AGFG1: variants seen among roughly 807,000 people sequenced by gnomAD.
AGFG1 encodes the protein ArfGAP with FG repeats 1, also known as arf-GAP domain and FG repeat-containing protein 1.
In AGFG1, 10 loss-of-function variants were observed where a neutral mutation model predicts 60.6. The ratio of observed to expected loss-of-function variants is 0.16; its 90% CI spans 0.10 to 0.28. The LOEUF (loss-of-function observed/expected upper bound fraction) is 0.28, where lower values mean the gene tolerates loss of function less well. Among genes scored for constraint, AGFG1 ranks in the 10% least tolerant of loss-of-function variants. The pLI is 1.00. For synonymous variants in AGFG1, 247 were observed against 242.9 expected, an observed-to-expected ratio of 1.02 and a Z score of -0.16; for missense variants, 537 against 676.5, an observed-to-expected ratio of 0.79 and a Z score of 2.29.
intron 5 of AGFG1, among the ~76,000 whole-genome samples, chr2:227,529,811 G>T (rs903520593): frequency 5.3e-5 from 8 of 151,712 alleles, no homozygotes; most frequent in African/African-American, 1.9e-4. Flanking sequence ...GAACTATGGT[G>T]CCCTTTTTAA....
intron 2 of AGFG1, among the ~76,000 whole-genome samples, chr2:227,497,739 T>G (rs375704721): frequency 0.46 from 42,215 of 92,362 alleles, 10,717 homozygotes; most frequent in South Asian, 0.6. Context: ...TGTTTTGTTT[T>G]TTTTTTTTTT....
rs561980878 is a variant in AGFG1 at position 227,542,748 on chromosome 2, G to A, written c.1378+5755G>A. 1.1e-4 allele frequency among the ~76,000 whole-genome samples: 17 copies of A among 152,292 alleles called. No homozygotes were observed. The South Asian group carries it at 3.5e-3, about 32-fold the overall frequency. ...GAAGGAATGGAACCAGCTCCTCTTT[G>A]TACCTCTGGTAGAATTTGGCTGTCA... On this transcript the variant is annotated intron_variant, in intron 10 of 12. Transcript: ENST00000310078.
intron 1 of AGFG1, among the ~76,000 whole-genome samples, chr2:227,473,982 G>C (rs1690204921): frequency 6.6e-6 from 1 of 152,076 alleles, no homozygotes; most frequent in South Asian, 2.1e-4. Flanking sequence ...AAATGTCTTG[G>C]GCAAGTACTA....
intron 1 of AGFG1, among the ~76,000 whole-genome samples, chr2:227,475,551 T>G (rs1690256582): frequency 6.6e-6 from 1 of 152,230 alleles, no homozygotes; most frequent in African/African-American, 2.4e-5. Flanking sequence ...TTAGGAAGAA[T>G]AATATAACTC....
chr2:227,491,647 G>GTT lies in AGFG1; in HGVS notation c.261+7_261+8insTT. The stretch of plus-strand genomic sequence containing the variant: ...ACAAAAACATGGAAATGAAGTAAGT[G>GTT]GTTTTTTTTTTTTTTTGCAATTTTT... On this transcript the variant is annotated splice_region_variant and intron_variant, in intron 2 of 12. Coordinates refer to ENST00000310078, the MANE Select transcript of AGFG1 (RefSeq NM_004504.5). 1 of 1,297,958 alleles carries GTT rather than the reference G, an allele frequency of 7.7e-7. No homozygotes were observed. Among genetic ancestry groups the GTT allele is most frequent in the Non-Finnish European group, 1.0e-6 (1 of 995,616 alleles). 80.4% of individuals were successfully genotyped at this position (1,297,958 alleles called of 1,614,324 possible).
chr2:227,508,710 G>A (rs1691402249), intron 2 of AGFG1: 4 of 439,610 alleles, frequency 9.1e-6, no homozygotes, highest in Middle Eastern at 3.4e-4. Flanking sequence ...TTCTTTTTAG[G>A]AAATAATTCT....
intron 6 of AGFG1, chr2:227,532,030 T>C (rs1025202159): frequency 2.3e-6 from 2 of 856,316 alleles, no homozygotes; most frequent in Non-Finnish European, 3.4e-6. Flanking sequence ...GGCTGATTAC[T>C]TTTCTTTCAA....
chr2:227,479,184 C>G (rs1360851710), intron 1 of AGFG1, among the ~76,000 whole-genome samples: 2 of 152,198 alleles, frequency 1.3e-5, no homozygotes, highest in Admixed American at 1.3e-4. Context: ...AAGGACTCTT[C>G]TGTATAGTGC....
chr2:227,473,128 C>T (rs1444774369), intron 1 of AGFG1, among the ~76,000 whole-genome samples: 2 of 152,068 alleles, frequency 1.3e-5, no homozygotes, highest in South Asian at 2.1e-4. Context: ...CTGCCTCGCC[C>T]GTGCCTTTTT....
At chr2:227,491,169 TTCTTAGGAAA>T (rs1328072004) in intron 1 of AGFG1, among the ~76,000 whole-genome samples, 1 of 152,178 alleles carries the variant, frequency 6.6e-6, no homozygotes, top group African/African-American at 2.4e-5. Context: ...ATATCATTGT[TTCTTAGGAAA>T]TATGAAATAT....
chr2:227,483,023 G>A (rs943224052), intron 1 of AGFG1, among the ~76,000 whole-genome samples: 4 of 140,584 alleles, frequency 2.8e-5, no homozygotes, highest in African/African-American at 1.1e-4. Context: ...CTTAAAATGT[G>A]TATTTGAGGA....
intron 10 of AGFG1, among the ~76,000 whole-genome samples, chr2:227,549,788 T>C (rs1692767748): frequency 6.6e-6 from 1 of 152,232 alleles, no homozygotes; most frequent in African/African-American, 2.4e-5. Flanking sequence ...TGCCTATTTG[T>C]TTAAAAAATT....
intron 2 of AGFG1, among the ~76,000 whole-genome samples, chr2:227,513,071 A>T (rs1393606701): frequency 6.6e-6 from 1 of 152,196 alleles, no homozygotes; most frequent in Non-Finnish European, 1.5e-5. Flanking sequence ...AAAGGTGAAT[A>T]TCCATTTCAA....
At chr2:227,502,247 A>G (rs2106183764) in intron 2 of AGFG1, among the ~76,000 whole-genome samples, 1 of 152,306 alleles carries the variant, frequency 6.6e-6, no homozygotes, top group Non-Finnish European at 1.5e-5. Context: ...CTATGAATAA[A>G]TTATAATTTG....
rs1692324504 is a variant in AGFG1, at chr2:227,536,678, C to T, written c.1259C>T (p.Ser420Leu). The change falls in exon 9 of 13, where the codon TCA (serine) becomes TTA (leucine). Residue 420 changes from serine to leucine, a missense_variant. By Grantham distance (145) the Ser-to-Leu change is moderately radical. Transcript: ENST00000310078. ...GCTTCTGCACAGACACAGCCTGCTT[C>T]ATCAAGTGTGCCTGCTCCATTTGGA... is the stretch of plus-strand genomic sequence containing the variant. ...VVASAQTQPA[S>L]SSVPAPFGAT... The T allele has an allele frequency of 1.9e-6, 3 of 1,613,706 alleles. No individual in the cohort carries two copies. The highest frequency in any genetic ancestry group is 1.3e-5 in the African/African-American group (1 of 74,858).
chr2:227,519,367 T>A (rs899144653), intron 2 of AGFG1, among the ~76,000 whole-genome samples: 6 of 152,158 alleles, frequency 3.9e-5, no homozygotes, highest in African/African-American at 1.4e-4. Context: ...AGTTTTTCTC[T>A]TTATAGTTCT....
intron 7 of AGFG1, among the ~76,000 whole-genome samples, chr2:227,534,608 T>G (rs369069390): frequency 6.6e-6 from 1 of 152,126 alleles, no homozygotes; most frequent in African/African-American, 2.4e-5. Context: ...CCAGACAAAT[T>G]TTTTTGGTAC....
intron 2 of AGFG1, among the ~76,000 whole-genome samples, chr2:227,509,409 G>A (rs2106192627): frequency 6.6e-6 from 1 of 152,174 alleles, no homozygotes; most frequent in East Asian, 1.9e-4. Flanking sequence ...TCTGGACAAG[G>A]AAAACCTTTT....
Position 227,536,727 on chromosome 2 carries a change from C to T in AGFG1, c.1285+23C>T, listed in dbSNP as rs1223795171. On this transcript the variant is annotated intron_variant, in intron 9 of 12. Coordinates refer to ENST00000310078, the MANE Select transcript of AGFG1 (RefSeq NM_004504.5). ...GAGGTATGTGCTTCTGGTATATACACTGGTTTTTACAAAGAACCCAAATAT... is the reference window on the plus strand; with the variant it reads ...GAGGTATGTGCTTCTGGTATATACATTGGTTTTTACAAAGAACCCAAATAT... The T allele has an allele frequency of 3.1e-6, 5 of 1,610,088 alleles. No individual in the cohort carries two copies. The East Asian group carries it at 1.1e-4, about 36-fold the overall frequency.
Sources: allele counts gnomAD v4.1 joint callset (sites outside exome capture counted in the v4.1 genomes callset), GRCh38; gene constraint gnomAD v4.1.1; transcripts MANE v1.5; gene names NCBI Gene and HGNC (gene_info 2026-07-23, HGNC 2026-07-21).